The following FBXO38 variants were observed in gnomAD, a reference collection of about 807,000 sequenced individuals.
FBXO38 encodes the protein F-box only protein 38.
FBXO38 carries 53 observed loss-of-function variants against 131.9 expected under a neutral mutation model. The observed-to-expected ratio is 0.40, with a 90% CI of 0.32 to 0.51. The LOEUF (loss-of-function observed/expected upper bound fraction) is 0.51, where lower values mean the gene tolerates loss of function less well. Ranked by LOEUF, FBXO38 falls within the 20% of genes least tolerant of loss-of-function variation. The pLI is 0.53. For missense variants in FBXO38, 1,076 were observed against 1,475.6 expected (o/e 0.73, Z 4.44); for synonymous variants, 452 against 505.6 (o/e 0.89, Z 1.42).
intron 1 of FBXO38, among the ~76,000 whole-genome samples, chr5:148,392,209 G>A (rs1758232587): frequency 6.6e-6 from 1 of 152,150 alleles, no homozygotes; most frequent in Admixed American, 6.5e-5. Flanking sequence ...GCACGTGAAT[G>A]TTAATGGAGT....
At chr5:148,436,634 C>T (rs1168229034) in intron 17 of FBXO38, among the ~76,000 whole-genome samples, 3 of 152,066 alleles carry the variant, frequency 2.0e-5, no homozygotes, top group East Asian at 1.9e-4. Flanking sequence ...TAGTAGTAAA[C>T]AAAGAAATCC....
chr5:148,413,972 T>A (rs1752912442), intron 9 of FBXO38, 164 bp from the exon 10 acceptor site: 1 of 531,562 alleles, frequency 1.9e-6, no homozygotes, highest in South Asian at 3.2e-5. Flanking sequence ...CTACCATATG[T>A]ACGGAATACC....
In FBXO38 at chr5:148,427,887, C is replaced by T. The variant is rs774343852; in HGVS notation, c.2593C>T (p.Arg865Trp). The T allele has an allele frequency of 4.5e-6, 7 of 1,552,284 alleles. No individual in the cohort carries two copies. The highest frequency in any genetic ancestry group is 4.5e-5 in the East Asian group (2 of 44,512). ...CGTGCAGTCTAATGAAGACTACCCTCGGAGGCCCCTAACCAGGGCCAGGAG... is the reference window on the plus strand; with the variant it reads ...CGTGCAGTCTAATGAAGACTACCCTTGGAGGCCCCTAACCAGGGCCAGGAG... ...CDVQSNEDYP[R>W]RPLTRARSRL... The change falls in exon 15 of 22, where the codon CGG (arginine) becomes TGG (tryptophan). Residue 865 changes from arginine (R) to tryptophan (W), a missense_variant. Arg to Trp is a moderately radical substitution (Grantham distance 101). This residue lies in a region of FBXO38 where 282 missense variants were observed against 418.8 expected (regional missense o/e 0.67). Coordinates refer to ENST00000340253, the MANE Select transcript of FBXO38 (RefSeq NM_205836.3).
Position 148,404,755 on chromosome 5 carries a change from T to C in FBXO38, c.663T>C (p.Thr221=). ...TTTATATGAAGTGGGTAAGACTCAC[T>C]AAACCACAGCCATTTAAAGACTTCC... ...RHLYMKWVRL[T]KPQPFKDFLC... Residue 221 remains threonine, a synonymous_variant, in exon 6 of 22, where the codon ACT becomes ACC. Coordinates refer to ENST00000340253, the MANE Select transcript of FBXO38 (RefSeq NM_205836.3). The C allele has an allele frequency of 1.9e-6, 3 of 1,608,592 alleles. No individual in the cohort carries two copies. The highest frequency in any genetic ancestry group is 2.3e-5 in the East Asian group (1 of 44,442).
chr5:148,442,518 TTTC>T lies in FBXO38; in HGVS notation c.*377_*379del, dbSNP rs1260654338. The T allele has an allele frequency of 5.7e-5, 9 of 158,406 alleles. No individual in the cohort carries two copies. Among genetic ancestry groups the T allele is most frequent in the Non-Finnish European group, 1.1e-4 (8 of 72,134 alleles). 9.8% of individuals were successfully genotyped at this position (158,406 alleles called of 1,614,324 possible). Reference sequence around the variant, plus strand: ...TGTCATCCCTTTAAATCTGTGCCTTTTTCTTCTTGAGCGAAGCTGTTTGAGTAA... The same window carrying T: ...TGTCATCCCTTTAAATCTGTGCCTTTTTCTTGAGCGAAGCTGTTTGAGTAA... On this transcript the variant is annotated 3_prime_UTR_variant, in exon 22 of 22. Transcript: ENST00000340253.
chr5:148,433,429 G>A lies in FBXO38; in HGVS notation c.2659G>A (p.Ala887Thr). Residue 887 changes from alanine (A) to threonine (T), a missense_variant, in exon 16 of 22, where the codon GCC becomes ACC. Ala to Thr is a moderately conservative substitution (Grantham distance 58). Transcript: ENST00000340253. ...HVLLVSESEV[A>T]KTKPRHAMKR... ...TTTTTTTTTGCCTTTTTTAGAAGTA[G>A]CCAAAACAAAGCCACGTCACGCCAT... 6.2e-7 allele frequency: 1 copy of A among 1,610,650 alleles called. No individual in the cohort carries two copies. The highest frequency in any genetic ancestry group is 8.5e-7 in the Non-Finnish European group (1 of 1,178,902).
chr5:148,407,751 C>T (rs1752520304), intron 7 of FBXO38, among the ~76,000 whole-genome samples: 1 of 151,932 alleles, frequency 6.6e-6, no homozygotes, highest in Non-Finnish European at 1.5e-5. Context: ...GGTGAAACCC[C>T]GTCTCTACTT....
intron 10 of FBXO38, among the ~76,000 whole-genome samples, chr5:148,414,512 A>G (rs918865317): frequency 2.0e-5 from 3 of 152,108 alleles, no homozygotes; most frequent in Non-Finnish European, 2.9e-5. Context: ...CTCTGCCTAG[A>G]AGTGTATACT....
intron 15 of FBXO38, among the ~76,000 whole-genome samples, chr5:148,431,681 A>G (rs1165185810): frequency 1.3e-5 from 2 of 152,242 alleles, no homozygotes; most frequent in African/African-American, 2.4e-5. Context: ...AATTTTGGCT[A>G]TCAGGTGAAA....
At chr5:148,396,180 A>G (rs1162724141) in intron 2 of FBXO38, among the ~76,000 whole-genome samples, 4 of 152,182 alleles carry the variant, frequency 2.6e-5, no homozygotes, top group African/African-American at 7.2e-5. Flanking sequence ...AATTAAAATG[A>G]TAGATTTTTT....
intron 2 of FBXO38, among the ~76,000 whole-genome samples, chr5:148,396,051 C>A (rs868076317): frequency 6.6e-6 from 1 of 151,954 alleles, no homozygotes; most frequent in African/African-American, 2.4e-5. Flanking sequence ...TTTAGGAGAT[C>A]CTAAGCACTG....
chr5:148,428,236 G>A (rs749105776), intron 15 of FBXO38, among the ~76,000 whole-genome samples: 5 of 152,184 alleles, frequency 3.3e-5, no homozygotes, highest in Non-Finnish European at 7.3e-5. Flanking sequence ...CTAAGCCCCA[G>A]TAGATGAACT....
intron 9 of FBXO38, 69 bp from the exon 10 acceptor site, chr5:148,414,067 A>G (rs1303165119): frequency 6.9e-7 from 1 of 1,446,346 alleles, no homozygotes; most frequent in Admixed American, 2.2e-5. Flanking sequence ...GGTAAGATAC[A>G]AAGTTGGTAA....
chr5:148,416,279 G>A (rs919199939), intron 11 of FBXO38, among the ~76,000 whole-genome samples: 1 of 151,896 alleles, frequency 6.6e-6, no homozygotes, highest in Non-Finnish European at 1.5e-5. Flanking sequence ...CTCTGGGGAA[G>A]GGTAAGGAAA....
chr5:148,416,890 A>G (rs554483045), intron 11 of FBXO38, 104 bp from the exon 12 acceptor site: 2 of 701,590 alleles, frequency 2.9e-6, no homozygotes, highest in East Asian at 2.7e-5. Flanking sequence ...TAAGTACTAT[A>G]TAAATATTAG....
At chr5:148,388,590 G>C (rs1361922946) in intron 1 of FBXO38, among the ~76,000 whole-genome samples, 1 of 152,212 alleles carries the variant, frequency 6.6e-6, no homozygotes, top group African/African-American at 2.4e-5. Flanking sequence ...CCGCTATGGA[G>C]ACAACGTCTT....
rs538216507 is a variant in FBXO38, at chr5:148,398,716, T to G, written c.129-283T>G. On this transcript the variant is annotated intron_variant, in intron 2 of 21. Transcript: ENST00000340253. ...TTCTTTTCTTTGTTTTTCTGGTTTG[T>G]TTTTAGATTTTCTTTGTCCATGAAA... Among the ~76,000 whole-genome samples the G allele has an allele frequency of 2.0e-5, 3 of 152,106 alleles. No homozygotes were observed. In the East Asian group the frequency reaches 5.8e-4, roughly 29 times the overall value.
Position 148,441,948 on chromosome 5 carries a change from CT to C in FBXO38, c.3389-17del. ...ATTCTGATTATCATATGTATCTCTC[CT>C]TTTATTTCTAATTTCAAAGGCACTA... On this transcript the variant is annotated intron_variant, in intron 21 of 21. Coordinates refer to ENST00000340253, the MANE Select transcript of FBXO38 (RefSeq NM_205836.3). 1.9e-6 allele frequency: 3 copies of C among 1,598,558 alleles called. No homozygotes were observed. Among genetic ancestry groups the C allele is most frequent in the Non-Finnish European group, 2.6e-6 (3 of 1,171,862 alleles).
In FBXO38 at chr5:148,406,304, T is replaced by A; in HGVS notation, c.778T>A (p.Ser260Thr). The change falls in exon 7 of 22, where the codon TCT becomes ACT. Residue 260 changes from serine to threonine, a missense_variant. This residue lies in a region of FBXO38 where 66 missense variants were observed against 72.4 expected (regional missense o/e 0.91). Transcript: ENST00000340253. ...KYVPLVTGLA[S>T]ARNLEHLEMV... ...TGTCCCTTTAGTAACAGGCTTAGCC[T>A]CTGCCCGAAACTTGGAACACTTAGA... 3.7e-6 allele frequency: 6 copies of A among 1,610,356 alleles called. No individual in the cohort carries two copies. Among genetic ancestry groups the A allele is most frequent in the Non-Finnish European group, 5.1e-6 (6 of 1,178,270 alleles).
Sources: allele counts gnomAD v4.1 joint callset (sites outside exome capture counted in the v4.1 genomes callset), GRCh38; gene constraint gnomAD v4.1.1; regional missense constraint gnomAD v4.1.1; transcripts MANE v1.5; gene names NCBI Gene and HGNC (gene_info 2026-07-23, HGNC 2026-07-21).